SMYD3: variants seen among roughly 807,000 people sequenced by gnomAD.
SMYD3 encodes the protein SET and MYND domain containing 3, also known as histone-lysine N-methyltransferase SMYD3.
Under a neutral mutation model 57.7 loss-of-function variants are expected in SMYD3, and 36 were observed. The observed-to-expected ratio is 0.62, with a 90% CI of 0.48 to 0.82. SMYD3 has a LOEUF of 0.82. SMYD3 is among the 40% of genes least tolerant of loss of function. The pLI is 0.00. For synonymous variants in SMYD3, 211 were observed against 195.0 expected, an observed-to-expected ratio of 1.08 and a Z score of -0.68; for missense variants, 515 against 538.8, an observed-to-expected ratio of 0.96 and a Z score of 0.44.
intron 8 of SMYD3, among the ~76,000 whole-genome samples, chr1:245,872,431 T>A (rs61830208): frequency 7.8e-6 from 1 of 128,364 alleles, no homozygotes; most frequent in Non-Finnish European, 1.5e-5. Context: ...CCAGAGTTCC[T>A]GCCGCCTTCT....
chr1:246,341,129 G>A (rs761573078), intron 2 of SMYD3, among the ~76,000 whole-genome samples: 1 of 152,132 alleles, frequency 6.6e-6, no homozygotes, highest in South Asian at 2.1e-4. Context: ...TTTCTACAAA[G>A]AGCATGGAGT....
chr1:245,775,441 C>T (rs1383420291), intron 10 of SMYD3, among the ~76,000 whole-genome samples: 4 of 151,710 alleles, frequency 2.6e-5, no homozygotes, highest in African/African-American at 7.3e-5. Context: ...GAAACATGTG[C>T]TGTGTCAACT....
intron 5 of SMYD3, among the ~76,000 whole-genome samples, chr1:246,119,862 T>G (rs1365552631): frequency 6.6e-6 from 1 of 152,224 alleles, no homozygotes; most frequent in Non-Finnish European, 1.5e-5. Context: ...AGGAAAATGT[T>G]TCTTTTCTTA....
At chr1:246,125,074 A>AC (rs1380495638) in intron 5 of SMYD3, among the ~76,000 whole-genome samples, 23 of 85,328 alleles carry the variant, frequency 2.7e-4, no homozygotes, top group South Asian at 6.2e-4. Flanking sequence ...TCCGTCTCAA[A>AC]AAAAAAAAAA....
At chr1:245,950,032 A>G (rs2057573200) in intron 5 of SMYD3, among the ~76,000 whole-genome samples, 2 of 152,160 alleles carry the variant, frequency 1.3e-5, no homozygotes, top group African/African-American at 4.8e-5. Context: ...AAATAAATGG[A>G]AGAAGCAATT....
At chr1:245,973,846 C>A (rs988759492) in intron 5 of SMYD3, among the ~76,000 whole-genome samples, 4 of 152,120 alleles carry the variant, frequency 2.6e-5, no homozygotes, top group Non-Finnish European at 4.4e-5. Context: ...TATTTCTCAC[C>A]AAGTCATTCG....
At chr1:245,796,286 C>T (rs1338843812) in intron 10 of SMYD3, among the ~76,000 whole-genome samples, 1 of 151,698 alleles carries the variant, frequency 6.6e-6, no homozygotes, top group Admixed American at 6.6e-5. Context: ...ATAATAAAAC[C>T]TTATTGGGAC....
intron 5 of SMYD3, among the ~76,000 whole-genome samples, chr1:246,273,165 G>GT (rs921037076): frequency 1.9e-5 from 1 of 52,832 alleles, no homozygotes; most frequent in African/African-American, 1.0e-4. Flanking sequence ...TTTTTTTGGG[G>GT]GGGGGACAGA....
intron 5 of SMYD3, among the ~76,000 whole-genome samples, chr1:246,207,569 T>C (rs1488671884): frequency 6.6e-6 from 1 of 152,102 alleles, no homozygotes; most frequent in East Asian, 1.9e-4. Context: ...GAAAGGGCCA[T>C]TATGGTAATA....
intron 5 of SMYD3, among the ~76,000 whole-genome samples, chr1:246,005,738 T>A (rs1453851042): frequency 6.6e-6 from 1 of 152,152 alleles, no homozygotes; most frequent in Non-Finnish European, 1.5e-5. Flanking sequence ...GAGAATCCTA[T>A]GAAAACTGCA....
chr1:246,469,527 AG>A (rs1264867329), intron 1 of SMYD3, among the ~76,000 whole-genome samples: 1 of 152,194 alleles, frequency 6.6e-6, no homozygotes, highest in African/African-American at 2.4e-5. Context: ...GCCAGCTTGA[AG>A]GGGCTCCCAT....
At chr1:245,908,688 A>G (rs1010958044) in intron 8 of SMYD3, among the ~76,000 whole-genome samples, 3 of 152,242 alleles carry the variant, frequency 2.0e-5, no homozygotes, top group Admixed American at 6.5e-5. Flanking sequence ...CTTTGGCTGT[A>G]CAAATACATG....
In SMYD3 at chr1:246,417,533, G is replaced by A. The variant is rs1224906630; in HGVS notation, c.165-62439C>T. 4 of 152,234 alleles carry A rather than the reference G, an allele frequency of 2.6e-5. No individual in the cohort carries two copies. In the East Asian group the frequency reaches 7.7e-4, roughly 29 times the overall value. 9.4% of individuals were successfully genotyped at this position (152,234 alleles called of 1,614,324 possible). A position where few individuals can be genotyped will look rare whatever the true frequency, so the allele number is the denominator to read the frequency against. On this transcript the variant is annotated intron_variant, in intron 1 of 11. Transcript: ENST00000490107. ...AGTGTTGGAACTGTCTTCACGTGCT[G>A]AGTCAGTTTCTAGGTGGGGGTCACA...
At chr1:246,396,470 C>A (rs1302913895) in intron 1 of SMYD3, among the ~76,000 whole-genome samples, 1 of 152,250 alleles carries the variant, frequency 6.6e-6, no homozygotes, top group Admixed American at 6.5e-5. Flanking sequence ...ACTGGATATA[C>A]ATCATCAACG....
chr1:245,865,336 A>G (rs1469523299), intron 8 of SMYD3, among the ~76,000 whole-genome samples: 1 of 152,196 alleles, frequency 6.6e-6, no homozygotes, highest in Non-Finnish European at 1.5e-5. Flanking sequence ...CTAAAAAATA[A>G]TAATAAAAAC....
At chr1:246,197,883 A>T (rs916276512) in intron 5 of SMYD3, among the ~76,000 whole-genome samples, 15 of 152,222 alleles carry the variant, frequency 9.9e-5, no homozygotes, top group Admixed American at 7.9e-4. Flanking sequence ...AAGTCTATTT[A>T]AAAAATTTAA....
intron 5 of SMYD3, among the ~76,000 whole-genome samples, chr1:246,194,274 T>A (rs1326016757): frequency 7.0e-6 from 1 of 142,124 alleles, no homozygotes; most frequent in South Asian, 2.2e-4. Context: ...GTTTTTTTGT[T>A]TTTTTTTTTT....
At chr1:246,430,466 G>C (rs1268580915) in intron 1 of SMYD3, among the ~76,000 whole-genome samples, 2 of 152,220 alleles carry the variant, frequency 1.3e-5, no homozygotes, top group East Asian at 3.8e-4. Flanking sequence ...GTGGCAGAGT[G>C]GACTAAAAAG....
intron 5 of SMYD3, among the ~76,000 whole-genome samples, chr1:246,049,019 T>C (rs2060016599): frequency 6.6e-6 from 1 of 152,056 alleles, no homozygotes; most frequent in Non-Finnish European, 1.5e-5. Context: ...GGCTAGTTCT[T>C]AGTAAAAGGA....
Sources: gnomAD v4.1 joint callset for allele counts (sites outside exome capture counted in the v4.1 genomes callset) on GRCh38, gnomAD v4.1.1 for gene constraint, MANE v1.5 for transcripts, NCBI Gene and HGNC (gene_info 2026-07-23, HGNC 2026-07-21) for gene names.